NCAM1: variants seen among roughly 807,000 people sequenced by gnomAD.
The protein encoded by NCAM1 is antigen recognized by monoclonal antibody 5.1H11.
Under a neutral mutation model 109.8 loss-of-function variants are expected in NCAM1, and 14 were observed. The observed-to-expected ratio is 0.13, with a 90% CI of 0.08 to 0.20. The LOEUF is 0.20. Ranked by LOEUF, NCAM1 falls within the 10% of genes least tolerant of loss-of-function variation. The probability of loss-of-function intolerance (pLI) is 1.00; values close to 1 mark genes in which losing one functional copy is unlikely to be tolerated. For missense variants in NCAM1, 774 were observed against 1,109.9 expected, an observed-to-expected ratio of 0.70 and a Z score of 4.30; for synonymous variants, 418 against 442.9, an observed-to-expected ratio of 0.94 and a Z score of 0.70.
intron 1 of NCAM1, among the ~76,000 whole-genome samples, chr11:113,075,509 A>G (rs1317405191): frequency 6.6e-6 from 1 of 152,138 alleles, no homozygotes; most frequent in African/African-American, 2.4e-5. Context: ...CACATTCCTT[A>G]GCTATCTTTG....
chr11:113,199,121 T>C (rs1433453543), intron 1 of NCAM1, among the ~76,000 whole-genome samples: 2 of 152,162 alleles, frequency 1.3e-5, no homozygotes, highest in Non-Finnish European at 2.9e-5. Flanking sequence ...GCTAAGATGA[T>C]GCAGTATTTA....
At chr11:113,061,739 C>G (rs1489885884) in intron 1 of NCAM1, among the ~76,000 whole-genome samples, 1 of 152,192 alleles carries the variant, frequency 6.6e-6, no homozygotes, top group Non-Finnish European at 1.5e-5. Context: ...AATCGTGCAG[C>G]TTGTCCTGAG....
chr11:113,072,680 A>C (rs1163708598), intron 1 of NCAM1, among the ~76,000 whole-genome samples: 1 of 150,880 alleles, frequency 6.6e-6, no homozygotes, highest in African/African-American at 2.4e-5. Flanking sequence ...TTATTGACTC[A>C]GTATGCATAC....
chr11:113,119,908 A>C (rs1940886480), intron 1 of NCAM1, among the ~76,000 whole-genome samples: 1 of 152,224 alleles, frequency 6.6e-6, no homozygotes, highest in Non-Finnish European at 1.5e-5. Flanking sequence ...CTAGTTTATT[A>C]TTATTCTCAA....
intron 1 of NCAM1, among the ~76,000 whole-genome samples, chr11:113,138,446 C>T (rs1358948162): frequency 6.6e-6 from 1 of 152,210 alleles, no homozygotes; most frequent in Non-Finnish European, 1.5e-5. Flanking sequence ...CAGCTCAGTG[C>T]TTTCAAATAG....
rs549638109 is a variant in NCAM1, at chr11:113,159,009, C to G, written c.53-43370C>G. ...AGTTATCTCTAGAGACCAGTGCTAC[C>G]AAGTAAAACGTAAAGCTCAGCATCT... On this transcript the variant is annotated intron_variant, in intron 1 of 19. Coordinates refer to ENST00000316851, the MANE Select transcript of NCAM1 (RefSeq NM_181351.5). Among the ~76,000 whole-genome samples the G allele has an allele frequency of 4.6e-5, 7 of 152,256 alleles. No individual in the cohort carries two copies. In the South Asian group the frequency reaches 8.3e-4, roughly 18 times the overall value.
chr11:113,231,456 C>T, intron 9 of NCAM1, 189 bp from the exon 10 acceptor site: 5 of 869,134 alleles, frequency 5.8e-6, no homozygotes, highest in South Asian at 1.7e-5. Context: ...TCTCATGCTG[C>T]TTCCCAGTGC....
intron 14 of NCAM1, chr11:113,242,683 A>C: frequency 1.3e-6 from 1 of 790,734 alleles, no homozygotes; most frequent in Non-Finnish European, 2.2e-6. Flanking sequence ...CTTTATAATG[A>C]TGCCTACATA....
At chr11:113,106,714 A>G (rs1185292657) in intron 1 of NCAM1, among the ~76,000 whole-genome samples, 1 of 152,198 alleles carries the variant, frequency 6.6e-6, no homozygotes, top group East Asian at 1.9e-4. Flanking sequence ...GGGGGTTATT[A>G]TAGGAGCAGC....
intron 1 of NCAM1, among the ~76,000 whole-genome samples, chr11:113,038,689 A>G (rs1029893549): frequency 9.9e-5 from 15 of 152,188 alleles, no homozygotes; most frequent in Non-Finnish European, 2.1e-4. Context: ...GATTTAGTTC[A>G]TCTCCAAAAG....
At chr11:113,265,235 C>A in intron 17 of NCAM1, 1 of 906,940 alleles carries the variant, frequency 1.1e-6, no homozygotes, top group South Asian at 5.1e-5. Context: ...ATAGTTGTGT[C>A]TGACAAAGCA....
intron 1 of NCAM1, among the ~76,000 whole-genome samples, chr11:113,106,158 G>A (rs1318991689): frequency 1.3e-5 from 2 of 152,084 alleles, no homozygotes; most frequent in Non-Finnish European, 2.9e-5. Flanking sequence ...TTATTATTCA[G>A]CATATTGTGA....
chr11:113,191,743 GTATGTGTGTA>G (rs1943681143), intron 1 of NCAM1, among the ~76,000 whole-genome samples: 1 of 145,252 alleles, frequency 6.9e-6, no homozygotes, highest in Non-Finnish European at 1.5e-5. Flanking sequence ...ATACACACAT[GTATGTGTGTA>G]TATGTGTGTG....
rs1946387977 is a variant in NCAM1, at chr11:113,275,639, G to T, written c.*252G>T. The stretch of plus-strand genomic sequence containing the variant: ...CACTTGTAAGAAAATGAGACAAAAA[G>T]GTTAAACCCACAGCCAAACTAGGAC... On this transcript the variant is annotated 3_prime_UTR_variant, in exon 20 of 20. Transcript: ENST00000316851. The T allele has an allele frequency of 2.6e-6, 1 of 385,454 alleles. No homozygotes were observed. Among genetic ancestry groups the T allele is most frequent in the South Asian group, 4.6e-5 (1 of 21,906 alleles). 23.9% of individuals were successfully genotyped at this position (385,454 alleles called of 1,614,324 possible).
intron 9 of NCAM1, among the ~76,000 whole-genome samples, chr11:113,225,525 A>T (rs563381325): frequency 6.6e-6 from 1 of 152,380 alleles, no homozygotes; most frequent in East Asian, 1.9e-4. Context: ...ATTATGCAGG[A>T]GAACTTCCCC....
chr11:113,183,873 G>A (rs115245614), intron 1 of NCAM1, among the ~76,000 whole-genome samples: 95 of 152,192 alleles, frequency 6.2e-4, no homozygotes, highest in African/African-American at 2.2e-3. Flanking sequence ...TCTCTTGATC[G>A]TTTAAAATAG....
At chr11:112,984,236 C>A (rs1951233377) in intron 1 of NCAM1, among the ~76,000 whole-genome samples, 1 of 151,976 alleles carries the variant, frequency 6.6e-6, no homozygotes, top group East Asian at 1.9e-4. Flanking sequence ...GGCAGGATGT[C>A]CCTCTTTTTA....
chr11:113,237,070 G>A (rs1398344166), intron 14 of NCAM1, among the ~76,000 whole-genome samples: 2 of 152,184 alleles, frequency 1.3e-5, no homozygotes, highest in African/African-American at 4.8e-5. Flanking sequence ...TGCATGCTAG[G>A]GAAGGGGAGA....
intron 3 of NCAM1, 36 bp downstream of exon 3, chr11:113,204,540 T>G: frequency 1.3e-6 from 2 of 1,593,878 alleles, no homozygotes; most frequent in Non-Finnish European, 1.7e-6. Context: ...TTCTCTGGCC[T>G]CTCCTTGCCA....
Sources: allele counts gnomAD v4.1 joint callset (sites outside exome capture counted in the v4.1 genomes callset), GRCh38; gene constraint gnomAD v4.1.1; transcripts MANE v1.5; gene names NCBI Gene and HGNC (gene_info 2026-07-23, HGNC 2026-07-21).